The following SHC4 variants were observed in gnomAD, a reference collection of about 807,000 sequenced individuals.
SHC4 encodes the protein SHC adaptor protein 4, also known as SHC-transforming protein 4.
In SHC4, 41 loss-of-function variants were observed where a neutral mutation model predicts 69.4. That is an observed-to-expected ratio of 0.59 (90% CI 0.46 to 0.77). The LOEUF is 0.77. Among genes scored for constraint, SHC4 ranks in the 30% least tolerant of loss-of-function variants. The pLI is 0.00. For missense variants in SHC4, 777 were observed against 783.8 expected (o/e 0.99, Z 0.10); for synonymous variants, 318 against 299.3 (o/e 1.06, Z -0.64).
At chr15:48,939,292 AG>A (rs1901131521) in intron 1 of SHC4, among the ~76,000 whole-genome samples, 1 of 152,208 alleles carries the variant, frequency 6.6e-6, no homozygotes, top group East Asian at 1.9e-4. Flanking sequence ...TCAGGGAATC[AG>A]GGAAGAAGGG....
intron 4 of SHC4, among the ~76,000 whole-genome samples, chr15:48,883,852 C>T (rs1332142528): frequency 2.0e-5 from 3 of 152,232 alleles, no homozygotes; most frequent in African/African-American, 4.8e-5. Context: ...CCAACATCAC[C>T]TTTCCCCTTT....
At chr15:48,834,509 T>C (rs1898863614) in intron 11 of SHC4, among the ~76,000 whole-genome samples, 1 of 152,174 alleles carries the variant, frequency 6.6e-6, no homozygotes, top group African/African-American at 2.4e-5. Flanking sequence ...TTTATTTCTA[T>C]ATAGCAGGTA....
chr15:48,856,144 C>A lies in SHC4; in HGVS notation c.1071-20G>T. On this transcript the variant is annotated intron_variant, in intron 7 of 11. Transcript: ENST00000332408. ...TCCTCACTGTGAAGGAAAAAAGAATCCTCAAGAGGCTGGGCGAAAATTCAA... is the reference window on the plus strand; with the variant it reads ...TCCTCACTGTGAAGGAAAAAAGAATACTCAAGAGGCTGGGCGAAAATTCAA... The A allele has an allele frequency of 6.2e-7, 1 of 1,600,126 alleles. No individual in the cohort carries two copies. The highest frequency in any genetic ancestry group is 8.5e-7 in the Non-Finnish European group (1 of 1,172,846).
chr15:48,943,309 A>C (rs1178570306), intron 1 of SHC4, among the ~76,000 whole-genome samples: 1 of 152,090 alleles, frequency 6.6e-6, no homozygotes, highest in Non-Finnish European at 1.5e-5. Flanking sequence ...GCCTCTATAT[A>C]TTCCACCTTT....
intron 4 of SHC4, chr15:48,877,643 A>C: frequency 1.2e-6 from 1 of 849,810 alleles, no homozygotes; most frequent in Non-Finnish European, 1.4e-6. Context: ...ATAACTAAAA[A>C]AAAAAAAAGT....
At chr15:48,899,125 A>G (rs1900273867) in intron 2 of SHC4, among the ~76,000 whole-genome samples, 2 of 151,996 alleles carry the variant, frequency 1.3e-5, no homozygotes, top group Admixed American at 6.6e-5. Context: ...AGCAATGTAT[A>G]TCTACTTCCA....
chr15:48,936,150 G>T (rs1336909244), intron 1 of SHC4, among the ~76,000 whole-genome samples: 2 of 152,176 alleles, frequency 1.3e-5, no homozygotes, highest in African/African-American at 4.8e-5. Flanking sequence ...GATTGAATTT[G>T]AATATATATT....
At chr15:48,859,316 TG>T (rs1435783312) in intron 6 of SHC4, among the ~76,000 whole-genome samples, 1 of 151,328 alleles carries the variant, frequency 6.6e-6, no homozygotes, top group Non-Finnish European at 1.5e-5. Context: ...GGTGTGTGTG[TG>T]TGTGTGTGTG....
At chr15:48,826,147 A>T (rs1299156202) in intron 11 of SHC4, 21 bp from the exon 12 acceptor site, 1 of 1,596,822 alleles carries the variant, frequency 6.3e-7, no homozygotes, top group Admixed American at 1.8e-5. Flanking sequence ...AAGTACAAAT[A>T]TATTTAGGTT....
chr15:48,933,366 CT>C (rs1463768745), intron 1 of SHC4, among the ~76,000 whole-genome samples: 1 of 152,118 alleles, frequency 6.6e-6, no homozygotes, highest in African/African-American at 2.4e-5. Context: ...ATGAATAAAT[CT>C]GATAGGATAA....
chr15:48,852,036 C>T (rs914493259), intron 8 of SHC4, among the ~76,000 whole-genome samples: 8 of 152,208 alleles, frequency 5.3e-5, no homozygotes, highest in Non-Finnish European at 1.2e-4. Context: ...GAAAGACTGT[C>T]AGTGCCATCA....
At chr15:48,927,008 T>C (rs1313316978) in intron 1 of SHC4, among the ~76,000 whole-genome samples, 1 of 152,204 alleles carries the variant, frequency 6.6e-6, no homozygotes, top group Non-Finnish European at 1.5e-5. Context: ...TCTGTCCCCA[T>C]CACACGTAAC....
intron 1 of SHC4, among the ~76,000 whole-genome samples, chr15:48,951,357 C>A (rs55928371): frequency 0.034 from 5,228 of 152,058 alleles, 306 homozygotes; most frequent in African/African-American, 0.12. Context: ...AGTGCCACTG[C>A]CTTTGTTACC....
chr15:48,873,366 C>A (rs542254965), intron 4 of SHC4, among the ~76,000 whole-genome samples: 1 of 152,172 alleles, frequency 6.6e-6, no homozygotes, highest in Admixed American at 6.5e-5. Flanking sequence ...ATAATTATTA[C>A]GGACTTATTA....
chr15:48,954,322 T>G (rs1430387309), intron 1 of SHC4, among the ~76,000 whole-genome samples: 1 of 152,232 alleles, frequency 6.6e-6, no homozygotes, highest in Non-Finnish European at 1.5e-5. Flanking sequence ...CTGACTGGAC[T>G]CAGCAGAGGT....
chr15:48,858,457 T>C (rs945415101), intron 6 of SHC4, among the ~76,000 whole-genome samples: 2 of 152,136 alleles, frequency 1.3e-5, no homozygotes, highest in Non-Finnish European at 2.9e-5. Context: ...TACCAGAAGA[T>C]ATGAGAGTTT....
intron 4 of SHC4, among the ~76,000 whole-genome samples, chr15:48,880,755 T>C (rs952935723): frequency 6.6e-6 from 1 of 152,106 alleles, no homozygotes; most frequent in Non-Finnish European, 1.5e-5. Context: ...CTTGTATTTA[T>C]TGAGGATAGA....
intron 1 of SHC4, among the ~76,000 whole-genome samples, chr15:48,929,261 GAGA>G (rs894356683): frequency 6.6e-6 from 1 of 152,180 alleles, no homozygotes; most frequent in Non-Finnish European, 1.5e-5. Context: ...CCCGAGAGAG[GAGA>G]AGTTTAGTTT....
Position 48,857,704 on chromosome 15 carries a change from G to T in SHC4, c.1058C>A (p.Thr353Asn), listed in dbSNP as rs1386556852. 6.3e-7 allele frequency: 1 copy of T among 1,598,198 alleles called. No homozygotes were observed. The highest frequency in any genetic ancestry group is 8.5e-7 in the Non-Finnish European group (1 of 1,171,954). ...KQYLKNPSLN[T>N]SCESEEVHID... ...ACTCTTGGCTGACCTTTCACAAGAA[G>T]TATTCAAAGAAGGATTTTTCAAGTA... Residue 353 changes from threonine (T) to asparagine (N), a missense_variant, in exon 7 of 12, where the codon ACT becomes AAT. By Grantham distance (65) the Thr-to-Asn change is moderately conservative. Coordinates refer to ENST00000332408, the MANE Select transcript of SHC4 (RefSeq NM_203349.4).
Sources: allele counts gnomAD v4.1 joint callset (sites outside exome capture counted in the v4.1 genomes callset), GRCh38; gene constraint gnomAD v4.1.1; transcripts MANE v1.5; gene names NCBI Gene and HGNC (gene_info 2026-07-23, HGNC 2026-07-21).